Variants in NELL1 observed in about 807,000 individuals in gnomAD.
The protein encoded by NELL1 is protein kinase C-binding protein NELL1.
A neutral mutation model predicts 107.4 loss-of-function variants in NELL1; 76 were observed. The ratio of observed to expected loss-of-function variants is 0.71; its 90% CI spans 0.59 to 0.86. The LOEUF (loss-of-function observed/expected upper bound fraction) is 0.86. Among genes scored for constraint, NELL1 ranks in the 40% least tolerant of loss-of-function variants. The pLI is 0.00. For synonymous variants in NELL1, 353 were observed against 341.2 expected (o/e 1.03, Z -0.38); for missense variants, 1,024 against 1,005.5 (o/e 1.02, Z -0.25).
intron 4 of NELL1, among the ~76,000 whole-genome samples, chr11:20,854,664 G>C (rs1848848433): frequency 6.6e-6 from 1 of 151,714 alleles, no homozygotes; most frequent in Non-Finnish European, 1.5e-5. Context: ...TCTCCACCTT[G>C]TGCTCTTTCT....
At chr11:21,186,511 C>T (rs1856938627) in intron 13 of NELL1, among the ~76,000 whole-genome samples, 1 of 151,830 alleles carries the variant, frequency 6.6e-6, no homozygotes, top group African/African-American at 2.4e-5. Flanking sequence ...CTTTCCATCT[C>T]TTAGGATATT....
intron 15 of NELL1, among the ~76,000 whole-genome samples, chr11:21,481,087 G>A (rs1397204215): frequency 6.6e-6 from 1 of 152,172 alleles, no homozygotes; most frequent in Non-Finnish European, 1.5e-5. Context: ...GACAGGACAT[G>A]TGAAAGTTTC....
chr11:21,021,163 G>A (rs926269229), intron 12 of NELL1, among the ~76,000 whole-genome samples: 30 of 151,406 alleles, frequency 2.0e-4, no homozygotes, highest in African/African-American at 7.0e-4. Flanking sequence ...AACTATATTT[G>A]CCTTAAGAGT....
intron 12 of NELL1, among the ~76,000 whole-genome samples, chr11:21,013,578 C>T (rs1442027717): frequency 6.6e-6 from 1 of 152,094 alleles, no homozygotes; most frequent in African/African-American, 2.4e-5. Flanking sequence ...TATTTCCCCT[C>T]TTTCTCTCTT....
chr11:20,740,044 CAAAT>C (rs1855856231), intron 2 of NELL1, among the ~76,000 whole-genome samples: 1 of 152,202 alleles, frequency 6.6e-6, no homozygotes, highest in Non-Finnish European at 1.5e-5. Flanking sequence ...ATAGCAGTAA[CAAAT>C]AATCTCTGTT....
chr11:21,047,134 C>A (rs1159979883), intron 12 of NELL1, among the ~76,000 whole-genome samples: 3 of 152,084 alleles, frequency 2.0e-5, no homozygotes, highest in Non-Finnish European at 4.4e-5. Flanking sequence ...TACCCATGAA[C>A]TTTTAGGCTT....
At chr11:21,040,144 G>T (rs1170538208) in intron 12 of NELL1, among the ~76,000 whole-genome samples, 2 of 146,432 alleles carry the variant, frequency 1.4e-5, no homozygotes, top group South Asian at 2.2e-4. Context: ...TTTACAGGTT[G>T]AAATTATTAC....
rs549064881 is a variant in NELL1 at position 21,078,449 on chromosome 11, TTAAC to T, written c.1301-35137_1301-35134del. Reference sequence around the variant, plus strand: ...AATTAAAATAATTGTTTTACATAAATTAACTACTAAGGCAGAACACATTAAAAAG... The same window carrying T: ...AATTAAAATAATTGTTTTACATAAATTACTAAGGCAGAACACATTAAAAAG... On this transcript the variant is annotated intron_variant, in intron 12 of 19. Coordinates refer to ENST00000357134, the MANE Select transcript of NELL1 (RefSeq NM_006157.5). Among the ~76,000 whole-genome samples the T allele has an allele frequency of 2.7e-3, 405 of 152,148 alleles. 1 individual carries two copies. The highest frequency in any genetic ancestry group is 8.9e-3 in the African/African-American group (369 of 41,548).
At chr11:20,987,451 C>T (rs2134252121) in intron 12 of NELL1, among the ~76,000 whole-genome samples, 1 of 152,264 alleles carries the variant, frequency 6.6e-6, no homozygotes, top group Admixed American at 6.5e-5. Context: ...TTCTGCACGG[C>T]TGGGGAGGCC....
chr11:21,063,267 G>A (rs9666634), intron 12 of NELL1, among the ~76,000 whole-genome samples: 135 of 152,246 alleles, frequency 8.9e-4, no homozygotes, highest in African/African-American at 3.2e-3. Context: ...TGGAATCAGG[G>A]CGCATCAACC....
chr11:20,870,194 T>C (rs1427039237), intron 4 of NELL1, among the ~76,000 whole-genome samples: 1 of 152,180 alleles, frequency 6.6e-6, no homozygotes, highest in Non-Finnish European at 1.5e-5. Flanking sequence ...GAAAAGGAAA[T>C]GATTTGTCTA....
At chr11:20,934,126 T>C (rs1850674716) in intron 9 of NELL1, among the ~76,000 whole-genome samples, 1 of 152,104 alleles carries the variant, frequency 6.6e-6, no homozygotes, top group Admixed American at 6.6e-5. Context: ...GCCTTTTGGC[T>C]ATAGATCAAG....
intron 14 of NELL1, among the ~76,000 whole-genome samples, chr11:21,234,743 C>T (rs1858157698): frequency 1.3e-5 from 2 of 152,036 alleles, no homozygotes; most frequent in South Asian, 4.2e-4. Flanking sequence ...AAACTGTGTA[C>T]AAGGAAAACA....
At chr11:21,037,760 C>A (rs1853131716) in intron 12 of NELL1, among the ~76,000 whole-genome samples, 1 of 152,140 alleles carries the variant, frequency 6.6e-6, no homozygotes, top group African/African-American at 2.4e-5. Context: ...CCCCTGCAAA[C>A]TTCCCTTAAA....
chr11:21,056,610 A>T (rs984920635), intron 12 of NELL1, among the ~76,000 whole-genome samples: 1 of 152,152 alleles, frequency 6.6e-6, no homozygotes, highest in South Asian at 2.1e-4. Context: ...TTTGAGACAC[A>T]TGTTTTCTCG....
At chr11:21,373,421 A>T (rs1204181984) in intron 15 of NELL1, among the ~76,000 whole-genome samples, 1 of 152,130 alleles carries the variant, frequency 6.6e-6, no homozygotes, top group Non-Finnish European at 1.5e-5. Context: ...GTCTTGTGGC[A>T]TGATTACACT....
chr11:21,400,031 A>G lies in NELL1; in HGVS notation c.1645+29083A>G, dbSNP rs74611947. ...ATATAAAAGATTATTTCTGTATACTATGCATTATTGGTGAACTACTCTATG... is the reference window on the plus strand; with the variant it reads ...ATATAAAAGATTATTTCTGTATACTGTGCATTATTGGTGAACTACTCTATG... On this transcript the variant is annotated intron_variant, in intron 15 of 19. Transcript: ENST00000357134. Among the ~76,000 whole-genome samples the G allele has an allele frequency of 6.9e-3, 1,043 of 151,886 alleles. 6 individuals carry two copies. Among genetic ancestry groups the G allele is most frequent in the African/African-American group, 0.024 (988 of 41,496 alleles).
intron 9 of NELL1, among the ~76,000 whole-genome samples, chr11:20,932,957 G>C (rs1850648827): frequency 6.6e-6 from 1 of 152,230 alleles, no homozygotes; most frequent in Admixed American, 6.5e-5. Context: ...CAGCTGAGCG[G>C]GGTATTGACA....
At chr11:21,166,952 C>A (rs1031996634) in intron 13 of NELL1, among the ~76,000 whole-genome samples, 1 of 151,748 alleles carries the variant, frequency 6.6e-6, no homozygotes, top group African/African-American at 2.4e-5. Flanking sequence ...TTTCTTTGTT[C>A]GTAGGATAAA....
Sources: allele counts gnomAD v4.1 joint callset (sites outside exome capture counted in the v4.1 genomes callset), GRCh38; gene constraint gnomAD v4.1.1; transcripts MANE v1.5; gene names NCBI Gene and HGNC (gene_info 2026-07-23, HGNC 2026-07-21).